SAMTOR: variants seen among roughly 807,000 people sequenced by gnomAD.
The protein encoded by SAMTOR is UPF0532 protein C7orf60.
At chr7:112,930,805 A>T in the SAMTOR span, among the ~76,000 whole-genome samples, 3 of 152,334 alleles carry the variant, frequency 2.0e-5, no homozygotes, top group African/African-American at 7.2e-5. Context: ...ATTTTACTTT[A>T]TAGATGAGGA....
the SAMTOR span, among the ~76,000 whole-genome samples, chr7:112,846,294 T>C: frequency 6.6e-6 from 1 of 151,648 alleles, no homozygotes. Context: ...AAATAGTGCA[T>C]GTTCTCACTT....
chr7:112,927,855 C>A, the SAMTOR span, among the ~76,000 whole-genome samples: 2 of 151,900 alleles, frequency 1.3e-5, no homozygotes, highest in Non-Finnish European at 1.5e-5. Flanking sequence ...AAAACAAATT[C>A]GTAATTTTAA....
the SAMTOR span, among the ~76,000 whole-genome samples, chr7:112,908,153 G>A: frequency 6.6e-6 from 1 of 152,096 alleles, no homozygotes; most frequent in Admixed American, 6.5e-5. Flanking sequence ...ATTATCTTAG[G>A]TGTTTCTTTG....
At chr7:112,872,083 C>A in the SAMTOR span, among the ~76,000 whole-genome samples, 1 of 152,040 alleles carries the variant, frequency 6.6e-6, no homozygotes, top group Non-Finnish European at 1.5e-5. Context: ...AACTATCCCC[C>A]CAAAAAAATC....
At chr7:112,875,992 GCT>G in the SAMTOR span, among the ~76,000 whole-genome samples, 3 of 152,010 alleles carry the variant, frequency 2.0e-5, no homozygotes, top group Non-Finnish European at 4.4e-5. Context: ...ACAGGGTCTC[GCT>G]CTGTCACTCA....
the SAMTOR span, among the ~76,000 whole-genome samples, chr7:112,901,647 A>C: frequency 6.6e-6 from 1 of 152,234 alleles, no homozygotes; most frequent in African/African-American, 2.4e-5. Context: ...GTGCCAAAAA[A>C]GTTGAGGACT....
the SAMTOR span, among the ~76,000 whole-genome samples, chr7:112,938,398 A>G: frequency 3.9e-5 from 6 of 152,358 alleles, no homozygotes; most frequent in East Asian, 1.2e-3. Context: ...AAAGTTTGAA[A>G]AATGAAACAT....
chr7:112,882,716 A>C, the SAMTOR span, among the ~76,000 whole-genome samples: 1 of 150,778 alleles, frequency 6.6e-6, no homozygotes, highest in Non-Finnish European at 1.5e-5. Flanking sequence ...CAACCAACCA[A>C]CAACAACAAA....
the SAMTOR span, among the ~76,000 whole-genome samples, chr7:112,839,846 C>G: frequency 6.6e-6 from 1 of 151,676 alleles, no homozygotes; most frequent in African/African-American, 2.4e-5. Flanking sequence ...GTTATATTTT[C>G]CTACTAAATC....
the SAMTOR span, among the ~76,000 whole-genome samples, chr7:112,938,317 A>G: frequency 6.6e-6 from 1 of 152,262 alleles, no homozygotes; most frequent in Admixed American, 6.5e-5. Flanking sequence ...AATAACTACA[A>G]GCCCCATTTG....
the SAMTOR span, among the ~76,000 whole-genome samples, chr7:112,853,095 C>T: frequency 6.6e-6 from 1 of 152,106 alleles, no homozygotes; most frequent in South Asian, 2.1e-4. Context: ...TTCTGTTATG[C>T]TGCCTCTACA....
chr7:112,902,462 C>CAAAAAAAAAA, the SAMTOR span, among the ~76,000 whole-genome samples: 38 of 83,698 alleles, frequency 4.5e-4, no homozygotes, highest in East Asian at 2.1e-3. Flanking sequence ...AAAAAAAAAC[C>CAAAAAAAAAA]AAAAAAGTTG....
the SAMTOR span, among the ~76,000 whole-genome samples, chr7:112,913,985 A>C: frequency 6.6e-6 from 1 of 152,242 alleles, no homozygotes; most frequent in Non-Finnish European, 1.5e-5. Context: ...CTATGAGAGC[A>C]AGGATTTTGT....
chr7:112,924,092 T>A, the SAMTOR span, among the ~76,000 whole-genome samples: 1 of 151,558 alleles, frequency 6.6e-6, no homozygotes, highest in South Asian at 2.1e-4. Flanking sequence ...TACCTAATGC[T>A]AAAGGACGAG....
At chr7:112,939,682 C>A in the SAMTOR span, 2 of 1,612,904 alleles carry the variant, frequency 1.2e-6, no homozygotes, top group South Asian at 2.2e-5. Context: ...GCTCCCGGGG[C>A]GGCGGAGTGT....
chr7:112,892,204 T>C, the SAMTOR span, among the ~76,000 whole-genome samples: 1 of 152,226 alleles, frequency 6.6e-6, no homozygotes, highest in Non-Finnish European at 1.5e-5. Flanking sequence ...AGTTTTATCA[T>C]GAAATTGCAG....
At chr7:112,843,360 T>C in the SAMTOR span, among the ~76,000 whole-genome samples, 1 of 151,980 alleles carries the variant, frequency 6.6e-6, no homozygotes, top group Non-Finnish European at 1.5e-5. Flanking sequence ...GATTCAGCAA[T>C]ATAATGACTA....
chr7:112,886,541 C>G, the SAMTOR span, among the ~76,000 whole-genome samples: 2 of 152,136 alleles, frequency 1.3e-5, no homozygotes, highest in East Asian at 3.8e-4. Flanking sequence ...AATGAAAGAA[C>G]AATTCATATA....
the SAMTOR span, among the ~76,000 whole-genome samples, chr7:112,861,227 C>G: frequency 1.3e-5 from 2 of 152,206 alleles, no homozygotes; most frequent in Admixed American, 1.3e-4. Flanking sequence ...TAGTTTTTGA[C>G]AACTAAATTT....
Sources: allele counts gnomAD v4.1 joint callset (sites outside exome capture counted in the v4.1 genomes callset), GRCh38; gene constraint gnomAD v4.1.1; transcripts MANE v1.5; gene names NCBI Gene and HGNC (gene_info 2026-07-23, HGNC 2026-07-21).